The following MARCHF5 variants were observed in gnomAD, a reference collection of about 807,000 sequenced individuals.
MARCHF5 encodes the protein membrane associated ring-CH-type finger 5.
MARCHF5 carries 5 observed loss-of-function variants against 36.5 expected under a neutral mutation model. The ratio of observed to expected loss-of-function variants is 0.14; its 90% CI spans 0.07 to 0.29. The LOEUF (loss-of-function observed/expected upper bound fraction) is 0.29. Ranked by LOEUF, MARCHF5 falls within the 10% of genes least tolerant of loss-of-function variation. The pLI is 1.00. For missense variants in MARCHF5, 179 were observed against 336.3 expected (o/e 0.53, Z 3.66); for synonymous variants, 103 against 109.9 (o/e 0.94, Z 0.39).
chr10:92,317,389 A>G (rs1843225420), intron 2 of MARCHF5, among the ~76,000 whole-genome samples: 2 of 151,960 alleles, frequency 1.3e-5, no homozygotes, highest in Non-Finnish European at 2.9e-5. Context: ...GTGAGCCACC[A>G]CGCCCAGGCA....
At chr10:92,336,332 C>A (rs1257399743) in intron 2 of MARCHF5, among the ~76,000 whole-genome samples, 1 of 152,154 alleles carries the variant, frequency 6.6e-6, no homozygotes, top group Non-Finnish European at 1.5e-5. Flanking sequence ...CCACCATGCC[C>A]GGCCTGGAGC....
chr10:92,316,939 TGAAAG>T (rs1350389717), intron 2 of MARCHF5, among the ~76,000 whole-genome samples: 1 of 152,124 alleles, frequency 6.6e-6, no homozygotes, highest in Admixed American at 6.5e-5. Flanking sequence ...CTTTAAAACA[TGAAAG>T]GAATACCAAC....
intron 1 of MARCHF5, among the ~76,000 whole-genome samples, chr10:92,301,747 C>T (rs1017592116): frequency 3.9e-5 from 6 of 152,168 alleles, no homozygotes; most frequent in Non-Finnish European, 5.9e-5. Context: ...ACTTTACGTT[C>T]TCTCTAGATT....
rs1476745322 is a variant in MARCHF5, at chr10:92,353,859, C to T, written c.*2652C>T. 3 of 152,532 alleles carry T rather than the reference C, an allele frequency of 2.0e-5. No homozygotes were observed. The highest frequency in any genetic ancestry group is 7.2e-5 in the African/African-American group (3 of 41,412). 9.4% of individuals were successfully genotyped at this position (152,532 alleles called of 1,614,324 possible). On this transcript the variant is annotated 3_prime_UTR_variant, in exon 6 of 6. Transcript: ENST00000358935. The stretch of plus-strand genomic sequence containing the variant: ...AATTAAACTTAGTGACTTAATTAGT[C>T]ACTGCCTTGCTAACTTTGCTGTAAT...
In MARCHF5 at chr10:92,343,123, G is replaced by A. The variant is rs151070039; in HGVS notation, c.369+2320G>A. On this transcript the variant is annotated intron_variant, in intron 3 of 5. Transcript: ENST00000358935. ...ACAGGGTCCTCTGTAATCGTACTTC[G>A]TTCTGCTTTAAGGCTGTTGGGCTGT... Among the ~76,000 whole-genome samples, 188 of 152,254 alleles carry A rather than the reference G, an allele frequency of 1.2e-3. 1 individual carries two copies. The highest frequency in any genetic ancestry group is 5.8e-3 in the East Asian group (30 of 5,178).
chr10:92,315,274 GATA>G (rs1162147534), intron 2 of MARCHF5, among the ~76,000 whole-genome samples: 6 of 152,232 alleles, frequency 3.9e-5, no homozygotes, highest in Admixed American at 3.9e-4. Context: ...CTGCATCTGT[GATA>G]ATAATTGTTC....
intron 1 of MARCHF5, among the ~76,000 whole-genome samples, chr10:92,310,010 G>A (rs1005772733): frequency 2.6e-5 from 4 of 152,054 alleles, no homozygotes; most frequent in Non-Finnish European, 4.4e-5. Flanking sequence ...AACTATTTTG[G>A]ATATTGATGC....
intron 2 of MARCHF5, chr10:92,333,761 A>T (rs1033166005): frequency 2.0e-6 from 1 of 504,494 alleles, no homozygotes; most frequent in African/African-American, 2.1e-5. Context: ...CAAAGTAAGG[A>T]CAGGACATTC....
rs146237813 is a variant in MARCHF5, at chr10:92,315,598, A to G, written c.238+4261A>G. ...TGGGAACAAGGATGTCTCCTAGTACAGTGTTATCACTCCTAGTTCACTGGT... is the reference window on the plus strand; with the variant it reads ...TGGGAACAAGGATGTCTCCTAGTACGGTGTTATCACTCCTAGTTCACTGGT... On this transcript the variant is annotated intron_variant, in intron 2 of 5. Coordinates refer to ENST00000358935, the MANE Select transcript of MARCHF5 (RefSeq NM_017824.5). Among the ~76,000 whole-genome samples, 522 of 152,338 alleles carry G rather than the reference A, an allele frequency of 3.4e-3. 8 individuals are homozygous for G. In the East Asian group the frequency reaches 0.037, roughly 11 times the overall value.
At chr10:92,321,807 A>C (rs1003580294) in intron 2 of MARCHF5, among the ~76,000 whole-genome samples, 1 of 152,048 alleles carries the variant, frequency 6.6e-6, no homozygotes, top group South Asian at 2.1e-4. Flanking sequence ...CATGTATATT[A>C]TCTAATTTGT....
Position 92,335,641 on chromosome 10 carries a change from A to G in MARCHF5, c.239-5032A>G, listed in dbSNP as rs1231723884. On this transcript the variant is annotated intron_variant, in intron 2 of 5. Transcript: ENST00000358935. ...ATTTTATCTGGTACATCTTTTGCCT[A>G]TAACACAAGAGATGAGTAGAAAATT... Among the ~76,000 whole-genome samples, 5 of 152,218 alleles carry G rather than the reference A, an allele frequency of 3.3e-5. No individual in the cohort carries two copies. The East Asian group carries it at 9.6e-4, about 29-fold the overall frequency.
intron 2 of MARCHF5, chr10:92,333,544 G>A: frequency 1.7e-6 from 1 of 577,692 alleles, no homozygotes; most frequent in Non-Finnish European, 2.2e-6. Flanking sequence ...ATGCTGACAT[G>A]GACAGACATA....
chr10:92,310,977 G>T (rs1209246876), intron 1 of MARCHF5, among the ~76,000 whole-genome samples, 158 bp from the exon 2 acceptor site: 1 of 152,178 alleles, frequency 6.6e-6, no homozygotes, highest in Non-Finnish European at 1.5e-5. Context: ...TGCTCTAGTG[G>T]GAATGTATTG....
chr10:92,333,133 C>G (rs1007030263), intron 2 of MARCHF5, among the ~76,000 whole-genome samples: 21 of 149,702 alleles, frequency 1.4e-4, no homozygotes, highest in African/African-American at 5.2e-4. Context: ...GCACTCCAGC[C>G]TGGGCAACAA....
chr10:92,347,554 T>C (rs893079233), intron 3 of MARCHF5, among the ~76,000 whole-genome samples: 2 of 151,832 alleles, frequency 1.3e-5, no homozygotes, highest in Non-Finnish European at 2.9e-5. Flanking sequence ...GATAGATAGA[T>C]AGATAAAGAA....
chr10:92,301,041 A>G (rs1843005895), intron 1 of MARCHF5, among the ~76,000 whole-genome samples: 1 of 152,014 alleles, frequency 6.6e-6, no homozygotes, highest in Admixed American at 6.6e-5. Context: ...GTGTGCCATC[A>G]TGCTCAGCTA....
At chr10:92,333,679 G>A (rs995310371) in intron 2 of MARCHF5, 4 of 984,364 alleles carry the variant, frequency 4.1e-6, no homozygotes, top group African/African-American at 1.7e-5. Context: ...GACATGGACA[G>A]GGTGGGGTAG....
intron 2 of MARCHF5, among the ~76,000 whole-genome samples, chr10:92,323,388 A>G (rs1184677163): frequency 2.0e-5 from 3 of 152,092 alleles, no homozygotes; most frequent in Non-Finnish European, 4.4e-5. Context: ...TTGACACATC[A>G]TTACCACCCA....
chr10:92,341,335 G>A (rs985807585), intron 3 of MARCHF5, among the ~76,000 whole-genome samples: 3 of 151,870 alleles, frequency 2.0e-5, no homozygotes, highest in Admixed American at 6.6e-5. Context: ...CCCAGGAGCC[G>A]GAGGTTGCAG....
Sources: gnomAD v4.1 joint callset for allele counts (sites outside exome capture counted in the v4.1 genomes callset) on GRCh38, gnomAD v4.1.1 for gene constraint, MANE v1.5 for transcripts, NCBI Gene and HGNC (gene_info 2026-07-23, HGNC 2026-07-21) for gene names.